The following IL17RB variants were observed in gnomAD, a reference collection of about 807,000 sequenced individuals.
IL17RB encodes interleukin 17 receptor B.
IL17RB carries 36 observed loss-of-function variants against 43.9 expected under a neutral mutation model. The ratio of observed to expected loss-of-function variants is 0.82; its 90% confidence interval spans 0.63 to 1.08. The LOEUF (loss-of-function observed/expected upper bound fraction) is 1.08. Among genes scored for constraint, IL17RB ranks in the 50% least tolerant of loss-of-function variants. The pLI is 0.00. For missense variants in IL17RB, 613 were observed against 613.6 expected (o/e 1.00, Z 0.01); for synonymous variants, 225 against 225.4 (o/e 1.00, Z 0.02).
chr3:53,860,081 A>G (rs1200859213), intron 9 of IL17RB, 49 bp from the exon 10 acceptor site: 1 of 1,203,298 alleles, frequency 8.3e-7, no homozygotes, highest in African/African-American at 1.5e-5. Context: ...AAATTAAGAG[A>G]TAAGTGTGGA....
At chr3:53,860,077 A>T (rs370757980) in intron 9 of IL17RB, 53 bp from the exon 10 acceptor site, 37 of 1,177,812 alleles carry the variant, frequency 3.1e-5, no homozygotes, top group East Asian at 2.3e-4. Flanking sequence ...TTTTAAATTA[A>T]GAGATAAGTG....
intron 10 of IL17RB, among the ~76,000 whole-genome samples, 197 bp from the exon 11 acceptor site, chr3:53,864,548 GT>G (rs1699708116): frequency 6.6e-6 from 1 of 151,792 alleles, no homozygotes; most frequent in African/African-American, 2.4e-5. Flanking sequence ...AAAAAAAAAA[GT>G]TAAGGTTTAA....
At position 53,864,663 on chromosome 3, in the gene IL17RB, G is replaced by C. The variant is rs150670988; in HGVS notation, c.947-83G>C. The C allele has an allele frequency of 2.7e-3, 2,796 of 1,031,796 alleles. 9 individuals are homozygous for C. Among genetic ancestry groups the C allele is most frequent in the Middle Eastern group, 0.014 (68 of 4,768 alleles). The allele number at this position is 1,031,796 out of a possible 1,614,324, so 63.9% of individuals were successfully genotyped here. A position where few individuals can be genotyped will look rare whatever the true frequency, so the allele number is the denominator to read the frequency against. ...TGCTCAGCTGACATTCTCTAGCAAG[G>C]GATCATTTGTCAGGGATGGTTTACA... On this transcript the variant is annotated intron_variant, in intron 10 of 10. Transcript: ENST00000288167.
At chr3:53,847,312 CTG>C (rs1698950691) in intron 1 of IL17RB, among the ~76,000 whole-genome samples, 2 of 152,202 alleles carry the variant, frequency 1.3e-5, no homozygotes, top group Admixed American at 6.5e-5. Flanking sequence ...TCCTTCCCCT[CTG>C]TGTCAGTTCA....
intron 1 of IL17RB, among the ~76,000 whole-genome samples, chr3:53,848,047 A>G (rs1200448949): frequency 6.6e-6 from 1 of 152,234 alleles, no homozygotes. Flanking sequence ...CCAGAACCAA[A>G]GCACAAATTA....
intron 5 of IL17RB, among the ~76,000 whole-genome samples, chr3:53,853,661 G>A (rs1280026924): frequency 6.6e-6 from 1 of 152,090 alleles, no homozygotes; most frequent in Non-Finnish European, 1.5e-5. Flanking sequence ...TGTGTGAAGG[G>A]TCTATCTGAG....
Position 53,846,574 on chromosome 3 carries a change from CG to C in IL17RB, c.-14del. On this transcript the variant is annotated 5_prime_UTR_variant, in exon 1 of 11. Transcript: ENST00000288167. ...CAGCGTGCGGGTGGCCTGGATCCCG[CG>C]CAGTGGCCCGGCGATGTCGCTCGTG... The C allele has an allele frequency of 6.4e-7, 1 of 1,569,242 alleles. No individual in the cohort carries two copies. The highest frequency in any genetic ancestry group is 8.6e-7 in the Non-Finnish European group (1 of 1,163,428).
At chr3:53,856,523 G>C (rs1253398022) in intron 6 of IL17RB, among the ~76,000 whole-genome samples, 1 of 152,190 alleles carries the variant, frequency 6.6e-6, no homozygotes, top group Non-Finnish European at 1.5e-5. Context: ...CTGGGAAGTA[G>C]AAAATACTGA....
Position 53,865,377 on chromosome 3 carries a change from T to C in IL17RB, c.*69T>C. 7.9e-7 allele frequency: 1 copy of C among 1,270,598 alleles called. No homozygotes were observed. Among genetic ancestry groups the C allele is most frequent in the Non-Finnish European group, 1.1e-6 (1 of 925,836 alleles). 78.7% of individuals were successfully genotyped at this position (1,270,598 alleles called of 1,614,324 possible). ...CCAATTACAGGGAAAAAACGTGTGA[T>C]GATCCTGAAGCTTACTATGCAGCCT... On this transcript the variant is annotated 3_prime_UTR_variant, in exon 11 of 11. Transcript: ENST00000288167.
chr3:53,854,531 TTGTC>T (rs1699264373), intron 5 of IL17RB, among the ~76,000 whole-genome samples: 1 of 152,204 alleles, frequency 6.6e-6, no homozygotes, highest in Admixed American at 6.5e-5. Context: ...CAGTGTGGGT[TTGTC>T]TGATGTTTGT....
intron 8 of IL17RB, 194 bp from the exon 9 acceptor site, chr3:53,858,525 A>G: frequency 7.0e-7 from 1 of 1,421,388 alleles, no homozygotes; most frequent in Non-Finnish European, 9.2e-7. Context: ...AGTCTTGGGC[A>G]CGTGGGTCTC....
chr3:53,861,477 G>C (rs1434271102), intron 10 of IL17RB: 3 of 152,132 alleles, frequency 2.0e-5, no homozygotes, highest in Non-Finnish European at 4.4e-5. Context: ...TGAAAACCTT[G>C]CACATTTTGC....
intron 4 of IL17RB, 63 bp from the exon 5 acceptor site, chr3:53,852,808 A>G: frequency 1.3e-6 from 2 of 1,525,884 alleles, no homozygotes; most frequent in East Asian, 2.3e-5. Flanking sequence ...GCAACACACT[A>G]AGGTATACTG....
chr3:53,858,859 C>A, intron 9 of IL17RB, 41 bp downstream of exon 9: 1 of 1,442,204 alleles, frequency 6.9e-7, no homozygotes, highest in Non-Finnish European at 9.8e-7. Context: ...CAAAGTGGCT[C>A]ACACACAGTC....
rs764314564 is a variant in IL17RB at position 53,852,957 on chromosome 3, T to A, written c.441T>A (p.Asn147Lys). 25 of 1,613,814 alleles carry A rather than the reference T, an allele frequency of 1.5e-5. No individual in the cohort carries two copies. Among genetic ancestry groups the A allele is most frequent in the Non-Finnish European group, 2.0e-5 (24 of 1,179,776 alleles). The change falls in exon 5 of 11, where the codon AAT becomes AAA. Residue 147 changes from asparagine (N) to lysine (K), a missense_variant. Physicochemically the swap from Asn to Lys is moderately conservative, Grantham distance 94 (BLOSUM62 0). Transcript: ENST00000288167. ...GAHNIPNANM[N>K]EDGPSMSVNF... ...ATAATATTCCTAATGCAAATATGAA[T>A]GAAGATGGCCCTTCCATGTCTGTGA...
At position 53,852,115 on chromosome 3, in the gene IL17RB, T is replaced by C; in HGVS notation, c.343T>C (p.Ser115Pro). 6.2e-7 allele frequency: 1 copy of C among 1,614,012 alleles called. No homozygotes were observed. The highest frequency in any genetic ancestry group is 2.2e-5 in the East Asian group (1 of 44,854). ...TEAFQTQTRP[S>P]GGKWTFSYIG... ...GGCCTTCCAGACTCAGACCAGACCC[T>C]CTGGTGGTAAAGTAAGCACTTTTTT... The change falls in exon 4 of 11, where the codon TCT becomes CCT. Residue 115 changes from serine (S) to proline (P), a missense_variant. Ser to Pro is a moderately conservative substitution (Grantham distance 74). Coordinates refer to ENST00000288167, the MANE Select transcript of IL17RB (RefSeq NM_018725.4).
chr3:53,850,831 T>TAA (rs1699115941), intron 3 of IL17RB, among the ~76,000 whole-genome samples: 1 of 151,214 alleles, frequency 6.6e-6, no homozygotes, highest in Non-Finnish European at 1.5e-5. Flanking sequence ...AAAATAAAAG[T>TAA]CAGGGTAGTG....
intron 10 of IL17RB, among the ~76,000 whole-genome samples, chr3:53,861,888 A>G (rs1191097896): frequency 6.6e-6 from 1 of 152,228 alleles, no homozygotes; most frequent in Non-Finnish European, 1.5e-5. Flanking sequence ...GAAGAGAAGC[A>G]TGCATCAGGA....
intron 8 of IL17RB, 62 bp from the exon 9 acceptor site, chr3:53,858,657 T>G: frequency 1.3e-6 from 2 of 1,586,678 alleles, no homozygotes; most frequent in Non-Finnish European, 1.7e-6. Flanking sequence ...GAAGTAGGAG[T>G]CTTGGTGAGA....
Sources: gnomAD v4.1 joint callset for allele counts (sites outside exome capture counted in the v4.1 genomes callset) on GRCh38, gnomAD v4.1.1 for gene constraint, MANE v1.5 for transcripts, NCBI Gene and HGNC (gene_info 2026-07-23, HGNC 2026-07-21) for gene names.